Variants in NRXN1 observed in about 807,000 individuals in gnomAD.
The protein encoded by NRXN1 is neurexin-1.
Under a neutral mutation model 150.9 loss-of-function variants are expected in NRXN1, and 39 were observed. The ratio of observed to expected loss-of-function variants is 0.26; its 90% confidence interval spans 0.20 to 0.34. NRXN1 has a LOEUF of 0.34. Ranked by LOEUF, NRXN1 falls within the 10% of genes least tolerant of loss-of-function variation. NRXN1 has a pLI of 1.00. For synonymous variants in NRXN1, 924 were observed against 757.0 expected, an observed-to-expected ratio of 1.22 and a Z score of -3.62; for missense variants, 1,815 against 1,949.9, an observed-to-expected ratio of 0.93 and a Z score of 1.30.
intron 5 of NRXN1, among the ~76,000 whole-genome samples, chr2:50,704,910 T>A (rs962124328): frequency 6.6e-6 from 1 of 152,082 alleles, no homozygotes; most frequent in African/African-American, 2.4e-5. Flanking sequence ...ACCTGTGAGT[T>A]AAATAAGGCA....
intron 8 of NRXN1, among the ~76,000 whole-genome samples, chr2:50,579,525 TATA>T (rs1671938699): frequency 1.3e-5 from 2 of 152,204 alleles, no homozygotes; most frequent in African/African-American, 4.8e-5. Flanking sequence ...GGCATGTGCC[TATA>T]GTCCTAGCTA....
At chr2:50,972,969 C>T (rs144224308) in intron 2 of NRXN1, among the ~76,000 whole-genome samples, 2 of 152,340 alleles carry the variant, frequency 1.3e-5, no homozygotes, top group East Asian at 1.9e-4. Context: ...TGTAAATTAA[C>T]TCAGTGGCCC....
At chr2:50,512,940 A>G (rs903654808) in intron 12 of NRXN1, among the ~76,000 whole-genome samples, 1 of 152,230 alleles carries the variant, frequency 6.6e-6, no homozygotes, top group East Asian at 1.9e-4. Flanking sequence ...AGATTCTCAT[A>G]TATTTCAGGG....
Position 50,215,335 on chromosome 2 carries a change from A to T in NRXN1, c.3546+21454T>A, listed in dbSNP as rs553611711. 2.6e-4 allele frequency among the ~76,000 whole-genome samples: 39 copies of T among 152,182 alleles called. No homozygotes were observed. In the Middle Eastern group the frequency reaches 0.01, roughly 40 times the overall value. On this transcript the variant is annotated intron_variant, in intron 18 of 22. Transcript: ENST00000401669. ...ATTTTAAAATAAAGGCCTATTATAA[A>T]TAAATACTATATGTTATGTGTCAGT...
intron 17 of NRXN1, among the ~76,000 whole-genome samples, chr2:50,263,149 AACACACATACAC>A (rs764551259): frequency 1.6e-5 from 2 of 128,922 alleles, no homozygotes; most frequent in Non-Finnish European, 1.7e-5. Flanking sequence ...CCAAGAGGAA[AACACACATACAC>A]ACACACACAC....
chr2:50,816,769 C>A (rs1320323922), intron 5 of NRXN1, among the ~76,000 whole-genome samples: 3 of 152,066 alleles, frequency 2.0e-5, no homozygotes, highest in African/African-American at 4.8e-5. Flanking sequence ...CTGTATCCTA[C>A]GGAGAGCCTG....
intron 5 of NRXN1, among the ~76,000 whole-genome samples, chr2:50,690,447 G>A (rs1034816388): frequency 1.8e-4 from 28 of 152,094 alleles, no homozygotes; most frequent in Non-Finnish European, 3.7e-4. Flanking sequence ...ACAAAATGTC[G>A]AATTCTCTAA....
chr2:50,813,455 G>C (rs532264671), intron 5 of NRXN1, among the ~76,000 whole-genome samples: 7 of 151,966 alleles, frequency 4.6e-5, no homozygotes, highest in Non-Finnish European at 1.0e-4. Context: ...ATAGCATTAT[G>C]TATTATATTG....
intron 2 of NRXN1, chr2:51,026,477 G>A: frequency 1.9e-6 from 3 of 1,572,636 alleles, no homozygotes; most frequent in Non-Finnish European, 2.6e-6. Flanking sequence ...TTTCTAAAGA[G>A]GAGAAAAGAG....
intron 17 of NRXN1, among the ~76,000 whole-genome samples, chr2:50,462,642 T>C (rs75098492): frequency 0.032 from 4,789 of 151,902 alleles, 97 homozygotes; most frequent in Non-Finnish European, 0.048. Context: ...AGTAGGTCAC[T>C]TAGATGGCAA....
intron 5 of NRXN1, among the ~76,000 whole-genome samples, chr2:50,853,749 T>C (rs933740645): frequency 6.6e-6 from 1 of 152,078 alleles, no homozygotes. Context: ...CAAATTCTTA[T>C]CCATAAAAGC....
chr2:50,419,100 T>C (rs528765212), intron 17 of NRXN1, among the ~76,000 whole-genome samples: 3 of 152,204 alleles, frequency 2.0e-5, no homozygotes, highest in African/African-American at 7.2e-5. Flanking sequence ...ATGAACTCAA[T>C]GACTTCTGAA....
At chr2:50,103,087 T>C (rs1427392308) in intron 18 of NRXN1, among the ~76,000 whole-genome samples, 1 of 152,118 alleles carries the variant, frequency 6.6e-6, no homozygotes, top group African/African-American at 2.4e-5. Context: ...TAATTGTTTA[T>C]TCCTAAGTGT....
chr2:50,374,022 G>A (rs976458816), intron 17 of NRXN1, among the ~76,000 whole-genome samples: 1 of 152,042 alleles, frequency 6.6e-6, no homozygotes, highest in African/African-American at 2.4e-5. Context: ...GATGGAGGCT[G>A]GGTGTGGGCT....
At chr2:50,522,026 G>T (rs1558875199) in intron 12 of NRXN1, among the ~76,000 whole-genome samples, 2 of 152,110 alleles carry the variant, frequency 1.3e-5, no homozygotes, top group African/African-American at 2.4e-5. Flanking sequence ...AGGGATGACA[G>T]AAAGAAAGAG....
At chr2:50,467,807 G>C (rs896591550) in intron 16 of NRXN1, among the ~76,000 whole-genome samples, 6 of 150,904 alleles carry the variant, frequency 4.0e-5, no homozygotes, top group African/African-American at 1.5e-4. Context: ...TTGTAATAAA[G>C]AACTAAGAAC....
At chr2:50,455,798 G>C (rs908494546) in intron 17 of NRXN1, among the ~76,000 whole-genome samples, 2 of 152,058 alleles carry the variant, frequency 1.3e-5, no homozygotes, top group African/African-American at 4.8e-5. Flanking sequence ...CCTTGAAGCT[G>C]GGCACTCATC....
At chr2:50,145,331 CT>C (rs1707847345) in intron 18 of NRXN1, among the ~76,000 whole-genome samples, 1 of 151,254 alleles carries the variant, frequency 6.6e-6, no homozygotes, top group South Asian at 2.1e-4. Context: ...GTTTTTTTTC[CT>C]GAACCATTTG....
At chr2:50,079,777 G>A (rs921640385) in intron 19 of NRXN1, among the ~76,000 whole-genome samples, 3 of 151,926 alleles carry the variant, frequency 2.0e-5, no homozygotes, top group South Asian at 2.1e-4. Flanking sequence ...TAAGAGGAGC[G>A]AAAGAGAAAA....
Sources: gnomAD v4.1 joint callset for allele counts (sites outside exome capture counted in the v4.1 genomes callset) on GRCh38, gnomAD v4.1.1 for gene constraint, MANE v1.5 for transcripts, NCBI Gene and HGNC (gene_info 2026-07-23, HGNC 2026-07-21) for gene names.